The following CADPS variants were observed in gnomAD, a reference collection of about 807,000 sequenced individuals.
CADPS encodes calcium dependent secretion activator.
In CADPS, 57 loss-of-function variants were observed where a neutral mutation model predicts 167.3. The ratio of observed to expected loss-of-function variants is 0.34; its 90% CI spans 0.28 to 0.42. The LOEUF (loss-of-function observed/expected upper bound fraction) is 0.42. Ranked by LOEUF, CADPS falls within the 20% of genes least tolerant of loss-of-function variation. The pLI is 1.00. For synonymous variants in CADPS, 676 were observed against 635.3 expected, an observed-to-expected ratio of 1.06 and a Z score of -0.96; for missense variants, 1,414 against 1,738.1, an observed-to-expected ratio of 0.81 and a Z score of 3.32.
chr3:62,516,702 C>T (rs893232689), intron 14 of CADPS, 59 bp from the exon 15 acceptor site: 1 of 1,246,958 alleles, frequency 8.0e-7, no homozygotes, highest in African/African-American at 1.5e-5. Context: ...ATGAAATATG[C>T]TGCAATTTGA....
intron 5 of CADPS, among the ~76,000 whole-genome samples, chr3:62,647,707 G>T (rs1382247749): frequency 6.6e-6 from 1 of 152,138 alleles, no homozygotes; most frequent in Non-Finnish European, 1.5e-5. Context: ...GAAATGGAAG[G>T]CACAGTGAAA....
chr3:62,650,803 T>TTGGC, intron 5 of CADPS, 44 bp downstream of exon 5: 1 of 1,463,062 alleles, frequency 6.8e-7, no homozygotes, highest in Non-Finnish European at 9.6e-7. Flanking sequence ...GCCCATGTCC[T>TTGGC]ACTTGCTGTG....
At chr3:62,611,909 A>G (rs998664877) in intron 6 of CADPS, among the ~76,000 whole-genome samples, 1 of 151,984 alleles carries the variant, frequency 6.6e-6, no homozygotes, top group Non-Finnish European at 1.5e-5. Flanking sequence ...GCCACCCGAC[A>G]TATGTTTTAT....
At chr3:62,774,866 T>C (rs1266406555) in intron 1 of CADPS, among the ~76,000 whole-genome samples, 2 of 152,180 alleles carry the variant, frequency 1.3e-5, no homozygotes, top group East Asian at 3.9e-4. Flanking sequence ...TGGGATAGTC[T>C]TCCTGATACT....
intron 2 of CADPS, among the ~76,000 whole-genome samples, chr3:62,762,830 G>A (rs549777671): frequency 1.4e-3 from 207 of 152,210 alleles, no homozygotes; most frequent in South Asian, 2.5e-3. Flanking sequence ...AAACAAGACC[G>A]ATATCTAAAA....
At chr3:62,792,251 G>A (rs2093011556) in intron 1 of CADPS, among the ~76,000 whole-genome samples, 1 of 151,232 alleles carries the variant, frequency 6.6e-6, no homozygotes, top group Non-Finnish European at 1.5e-5. Context: ...AGGCTGGAGT[G>A]CAATGGTGTG....
chr3:62,645,260 G>A (rs373679601), intron 6 of CADPS, among the ~76,000 whole-genome samples: 6 of 152,128 alleles, frequency 3.9e-5, no homozygotes, highest in East Asian at 1.9e-4. Context: ...TATATTGCTC[G>A]GGTGATGACA....
At chr3:62,637,841 A>G (rs141585324) in intron 6 of CADPS, among the ~76,000 whole-genome samples, 10 of 152,246 alleles carry the variant, frequency 6.6e-5, no homozygotes, top group African/African-American at 2.4e-4. Context: ...GTAAAATGAG[A>G]ATAACAATAG....
At chr3:62,702,897 C>T (rs931439695) in intron 3 of CADPS, among the ~76,000 whole-genome samples, 3 of 152,078 alleles carry the variant, frequency 2.0e-5, no homozygotes, top group African/African-American at 7.3e-5. Context: ...TCACAATGAT[C>T]CCATGCAGTT....
chr3:62,683,116 G>A (rs2077416873), intron 3 of CADPS, among the ~76,000 whole-genome samples: 1 of 152,054 alleles, frequency 6.6e-6, no homozygotes, highest in Non-Finnish European at 1.5e-5. Context: ...AGGCAGGCAG[G>A]GCCAAGTTGT....
chr3:62,749,915 T>C (rs965465515), intron 3 of CADPS, among the ~76,000 whole-genome samples: 1 of 152,184 alleles, frequency 6.6e-6, no homozygotes, highest in Non-Finnish European at 1.5e-5. Context: ...CACTGTGGTG[T>C]GAGATGATCT....
chr3:62,843,839 TA>T (rs553066695), intron 1 of CADPS, among the ~76,000 whole-genome samples: 354 of 145,516 alleles, frequency 2.4e-3, no homozygotes, highest in African/African-American at 6.3e-3. Context: ...TTTGCCAGCT[TA>T]AAAAAAAAAA....
At chr3:62,826,496 A>G (rs1396858712) in intron 1 of CADPS, among the ~76,000 whole-genome samples, 1 of 152,174 alleles carries the variant, frequency 6.6e-6, no homozygotes, top group Non-Finnish European at 1.5e-5. Flanking sequence ...ATGTACATTT[A>G]TTTCAAAATA....
chr3:62,658,937 T>C (rs1048919164), intron 4 of CADPS, among the ~76,000 whole-genome samples: 1 of 152,164 alleles, frequency 6.6e-6, no homozygotes, highest in Non-Finnish European at 1.5e-5. Context: ...GGGAGAGTCC[T>C]GATCACTCTG....
chr3:62,589,716 G>C (rs1179358670), intron 7 of CADPS, among the ~76,000 whole-genome samples: 1 of 152,194 alleles, frequency 6.6e-6, no homozygotes, highest in Non-Finnish European at 1.5e-5. Context: ...TGACTGGCTT[G>C]ATCGCTCTGG....
intron 6 of CADPS, among the ~76,000 whole-genome samples, chr3:62,623,683 G>A (rs955664824): frequency 6.6e-6 from 1 of 152,062 alleles, no homozygotes; most frequent in Non-Finnish European, 1.5e-5. Flanking sequence ...TGATTTTTCT[G>A]AGCTAACCCT....
chr3:62,570,289 A>G (rs2081055191), intron 9 of CADPS, among the ~76,000 whole-genome samples: 2 of 152,154 alleles, frequency 1.3e-5, no homozygotes, highest in South Asian at 4.1e-4. Flanking sequence ...GATATTAAAC[A>G]TAGTTATGGG....
intron 6 of CADPS, among the ~76,000 whole-genome samples, chr3:62,613,334 T>C (rs2061764320): frequency 6.6e-6 from 1 of 152,152 alleles, no homozygotes; most frequent in East Asian, 1.9e-4. Context: ...AGCTCCAGAG[T>C]TCCTAGGTGG....
At chr3:62,427,463 T>C (rs2052986265) in intron 28 of CADPS, among the ~76,000 whole-genome samples, 3 of 152,136 alleles carry the variant, frequency 2.0e-5, no homozygotes, top group African/African-American at 7.2e-5. Context: ...TTTTTCAATC[T>C]CTCTACACTA....
Sources: allele counts gnomAD v4.1 joint callset (sites outside exome capture counted in the v4.1 genomes callset), GRCh38; gene constraint gnomAD v4.1.1; transcripts MANE v1.5; gene names NCBI Gene and HGNC (gene_info 2026-07-23, HGNC 2026-07-21).